SNW1: variants seen among roughly 807,000 people sequenced by gnomAD.
The protein encoded by SNW1 is SNW domain containing 1, also known as SNW domain-containing protein 1.
A neutral mutation model predicts 75.6 loss-of-function variants in SNW1; 9 were observed. That is an observed-to-expected ratio of 0.12 (90% confidence interval 0.07 to 0.21). The LOEUF (loss-of-function observed/expected upper bound fraction) is 0.21. Among genes scored for constraint, SNW1 ranks in the 10% least tolerant of loss-of-function variants. SNW1 has a pLI of 1.00. For synonymous variants in SNW1, 200 were observed against 219.1 expected (o/e 0.91, Z 0.77); for missense variants, 409 against 670.9 (o/e 0.61, Z 4.31).
At chr14:77,744,469 A>G (rs1229154410) in intron 3 of SNW1, among the ~76,000 whole-genome samples, 6 of 150,324 alleles carry the variant, frequency 4.0e-5, no homozygotes, top group Middle Eastern at 3.4e-3. Context: ...AAAAAAAAGA[A>G]AAGTAAAGAA....
chr14:77,720,980 C>T, intron 11 of SNW1, 152 bp from the exon 12 acceptor site: 1 of 616,770 alleles, frequency 1.6e-6, no homozygotes, highest in South Asian at 2.0e-5. Flanking sequence ...CATAATCAAG[C>T]TGGCAGCCCT....
chr14:77,751,805 G>GACACACACACACAC (rs61135876), intron 2 of SNW1, among the ~76,000 whole-genome samples: 41 of 139,556 alleles, frequency 2.9e-4, no homozygotes, highest in African/African-American at 7.8e-4. Flanking sequence ...GTCATGGGAA[G>GACACACACACACAC]ACACACACAC....
Position 77,736,128 on chromosome 14 carries a change from A to G in SNW1, c.639-122T>C, listed in dbSNP as rs547292615. ...ACATAGACAAAAACAGAGACTGTATAATGATATACATTTACCACTCCACTT... is the reference window on the plus strand; with the variant it reads ...ACATAGACAAAAACAGAGACTGTATGATGATATACATTTACCACTCCACTT... On this transcript the variant is annotated intron_variant, in intron 6 of 13. Transcript: ENST00000261531. 18 of 655,822 alleles carry G rather than the reference A, an allele frequency of 2.7e-5. No homozygotes were observed. The African/African-American group carries it at 3.1e-4, about 11-fold the overall frequency. 40.6% of individuals were successfully genotyped at this position (655,822 alleles called of 1,614,324 possible). A position where few individuals can be genotyped will look rare whatever the true frequency, so the allele number is the denominator to read the frequency against.
At chr14:77,722,860 T>G (rs1595073831) in intron 11 of SNW1, 4 of 413,080 alleles carry the variant, frequency 9.7e-6, no homozygotes, top group East Asian at 1.4e-4. Flanking sequence ...TTTTTTTTTT[T>G]GTGAGATGGA....
chr14:77,745,576 G>GGGCGCCTGTAATCCCAGCTACTCAGAA (rs2080754567), intron 3 of SNW1, among the ~76,000 whole-genome samples: 5 of 152,020 alleles, frequency 3.3e-5, no homozygotes, highest in African/African-American at 9.7e-5. Context: ...GCATGGTGGC[G>GGGCGCCTGTAATCCCAGCTACTCAGAA]GGCGCCTGTA....
At chr14:77,745,775 A>G (rs1350072139) in intron 3 of SNW1, among the ~76,000 whole-genome samples, 1 of 151,872 alleles carries the variant, frequency 6.6e-6, no homozygotes, top group African/African-American at 2.4e-5. Flanking sequence ...TGTAATTCCA[A>G]CACTCTGGGA....
At chr14:77,755,257 A>G in intron 1 of SNW1, 137 bp from the exon 2 acceptor site, 1 of 727,374 alleles carries the variant, frequency 1.4e-6, no homozygotes, top group Non-Finnish European at 2.3e-6. Context: ...TCAATGATTT[A>G]TGGTAGTACT....
intron 3 of SNW1, among the ~76,000 whole-genome samples, chr14:77,740,160 AGAGAG>A (rs2080706857): frequency 2.1e-5 from 2 of 97,226 alleles, no homozygotes; most frequent in Admixed American, 2.3e-4. Flanking sequence ...AAAAAAAAAG[AGAGAG>A]ATACAGAAAA....
At chr14:77,733,990 C>A in intron 8 of SNW1, 1 of 430,862 alleles carries the variant, frequency 2.3e-6, no homozygotes, top group South Asian at 1.7e-5. Flanking sequence ...AGATACCATC[C>A]AGTTACAAAA....
intron 4 of SNW1, 33 bp downstream of exon 4, chr14:77,738,933 A>G: frequency 6.2e-7 from 1 of 1,608,698 alleles, no homozygotes; most frequent in Admixed American, 1.7e-5. Flanking sequence ...ATCAGGATGT[A>G]AATAGTCATC....
At chr14:77,724,716 G>GT (rs1380844148) in intron 10 of SNW1, among the ~76,000 whole-genome samples, 3 of 152,140 alleles carry the variant, frequency 2.0e-5, no homozygotes, top group African/African-American at 7.2e-5. Context: ...ATATCCCATT[G>GT]TGTATATAGA....
At chr14:77,723,715 C>T (rs980009892) in intron 10 of SNW1, among the ~76,000 whole-genome samples, 118 of 152,190 alleles carry the variant, frequency 7.8e-4, no homozygotes, top group African/African-American at 2.6e-3. Flanking sequence ...AATGCAGTGG[C>T]GCGATCTCAG....
chr14:77,760,771 C>T (rs2080882766), intron 1 of SNW1: 2 of 704,564 alleles, frequency 2.8e-6, no homozygotes, highest in Non-Finnish European at 5.2e-6. Flanking sequence ...TAAGCCACTA[C>T]CGTCACCAAC....
In SNW1 at chr14:77,718,134, C is replaced by T. The variant is rs777801985; in HGVS notation, c.1565G>A (p.Arg522His). The T allele has an allele frequency of 5.6e-6, 9 of 1,609,184 alleles. No homozygotes were observed. Among genetic ancestry groups the T allele is most frequent in the African/African-American group, 2.7e-5 (2 of 74,716 alleles). ...GGSKRPSDSS[R>H]PKEHEHEGKK... The stretch of plus-strand genomic sequence containing the variant: ...GCCTTCATGCTCGTGTTCCTTGGGG[C>T]GGCTGCTATCTGAGGGTCTTTTAGA... The change falls in exon 14 of 14, where the codon CGC becomes CAC. Residue 522 changes from arginine to histidine, a missense_variant. This residue lies in a region of SNW1 where 24 missense variants were observed against 31.0 expected (regional missense o/e 0.77). Transcript: ENST00000261531.
intron 3 of SNW1, among the ~76,000 whole-genome samples, chr14:77,745,339 C>G (rs548586434): frequency 6.6e-6 from 1 of 152,270 alleles, no homozygotes; most frequent in East Asian, 1.9e-4. Context: ...TGGGAAGTCT[C>G]AAGAGAGAAT....
At chr14:77,725,474 G>A (rs2080577669) in intron 10 of SNW1, among the ~76,000 whole-genome samples, 1 of 152,184 alleles carries the variant, frequency 6.6e-6, no homozygotes, top group South Asian at 2.1e-4. Context: ...TTACATTTAA[G>A]TCTTTAATCC....
At chr14:77,721,790 C>T (rs1270506191) in intron 11 of SNW1, among the ~76,000 whole-genome samples, 2 of 151,984 alleles carry the variant, frequency 1.3e-5, no homozygotes, top group African/African-American at 4.8e-5. Context: ...CTCTGTCGCC[C>T]AGGCTGGAAT....
Position 77,760,969 on chromosome 14 carries a change from G to C in SNW1, c.14+145C>G, listed in dbSNP as rs2080885967. The C allele has an allele frequency of 1.9e-6, 3 of 1,588,410 alleles. No homozygotes were observed. The African/African-American group carries it at 4.0e-5, about 21-fold the overall frequency. On this transcript the variant is annotated intron_variant, in intron 1 of 13. Transcript: ENST00000261531. The stretch of plus-strand genomic sequence containing the variant: ...TCGACTAGGCCTAGTCGTAGCGGCG[G>C]CCAGCGGGAGGGCGTAGCCGTAGTC...
intron 10 of SNW1, among the ~76,000 whole-genome samples, chr14:77,726,810 G>A (rs1448577947): frequency 2.7e-5 from 4 of 150,076 alleles, no homozygotes; most frequent in African/African-American, 4.9e-5. Context: ...GTGAGACTCC[G>A]TCTCAAAAAA....
Sources: allele counts gnomAD v4.1 joint callset (sites outside exome capture counted in the v4.1 genomes callset), GRCh38; gene constraint gnomAD v4.1.1; regional missense constraint gnomAD v4.1.1; transcripts MANE v1.5; gene names NCBI Gene and HGNC (gene_info 2026-07-23, HGNC 2026-07-21).